The following XYLT1 variants were observed in gnomAD, a reference collection of about 807,000 sequenced individuals.
The protein encoded by XYLT1 is xylosyltransferase 1.
Under a neutral mutation model 91.3 loss-of-function variants are expected in XYLT1, and 36 were observed. The observed-to-expected ratio is 0.39, with a 90% confidence interval of 0.30 to 0.52. XYLT1 has a LOEUF of 0.52. Among genes scored for constraint, XYLT1 ranks in the 20% least tolerant of loss-of-function variants. The pLI is 0.68. For missense variants in XYLT1, 1,242 were observed against 1,284.5 expected, an observed-to-expected ratio of 0.97 and a Z score of 0.51; for synonymous variants, 588 against 532.0, an observed-to-expected ratio of 1.11 and a Z score of -1.45.
chr16:17,332,872 C>T (rs186358628), intron 2 of XYLT1, among the ~76,000 whole-genome samples: 8 of 152,200 alleles, frequency 5.3e-5, no homozygotes, highest in Admixed American at 4.6e-4. Flanking sequence ...CCGAATTCTG[C>T]AACCTCCGCC....
chr16:17,323,095 G>A (rs1243275080), intron 2 of XYLT1, among the ~76,000 whole-genome samples: 1 of 152,208 alleles, frequency 6.6e-6, no homozygotes, highest in African/African-American at 2.4e-5. Flanking sequence ...CAGGCAAGCT[G>A]GCCATGGAGG....
At chr16:17,198,565 G>A in intron 4 of XYLT1, 151 bp from the exon 5 acceptor site, 2 of 682,046 alleles carry the variant, frequency 2.9e-6, no homozygotes. Context: ...CTGGACTGGA[G>A]TGTCTTTCTG....
chr16:17,292,657 T>C (rs907623955), intron 2 of XYLT1, among the ~76,000 whole-genome samples: 14 of 152,240 alleles, frequency 9.2e-5, no homozygotes, highest in African/African-American at 3.4e-4. Flanking sequence ...TAGGAGACGA[T>C]GCCACCAGAA....
At chr16:17,109,153 G>T in intron 11 of XYLT1, 136 bp from the exon 12 acceptor site, 1 of 970,890 alleles carries the variant, frequency 1.0e-6, no homozygotes, top group Non-Finnish European at 1.4e-6. Context: ...TCATGAGGAA[G>T]TTCTTTTAGC....
chr16:17,160,794 G>A (rs2031530509), intron 5 of XYLT1, among the ~76,000 whole-genome samples: 1 of 152,150 alleles, frequency 6.6e-6, no homozygotes, highest in Non-Finnish European at 1.5e-5. Flanking sequence ...GTAGTTTGTG[G>A]GGACAGAGCC....
intron 2 of XYLT1, among the ~76,000 whole-genome samples, chr16:17,323,710 A>T (rs2034759598): frequency 6.6e-6 from 1 of 152,138 alleles, no homozygotes; most frequent in African/African-American, 2.4e-5. Context: ...GTTCACTGGC[A>T]ACAGGACATC....
intron 1 of XYLT1, among the ~76,000 whole-genome samples, chr16:17,438,914 G>A (rs1214719623): frequency 6.6e-6 from 1 of 152,080 alleles, no homozygotes; most frequent in Admixed American, 6.6e-5. Flanking sequence ...TGGGGACACA[G>A]AGCCAAACCA....
chr16:17,456,332 CT>C (rs869026409), intron 1 of XYLT1, among the ~76,000 whole-genome samples: 3,214 of 114,032 alleles, frequency 0.028, 48 homozygotes, highest in African/African-American at 0.099. Flanking sequence ...CAGTACAAAC[CT>C]TTTTTTTTTT....
At chr16:17,162,905 C>A (rs145212707) in intron 5 of XYLT1, among the ~76,000 whole-genome samples, 1 of 152,316 alleles carries the variant, frequency 6.6e-6, no homozygotes, top group African/African-American at 2.4e-5. Context: ...AGAACCCGGA[C>A]TATGAATGAA....
chr16:17,374,187 G>A (rs1251059831), intron 1 of XYLT1, among the ~76,000 whole-genome samples: 1 of 152,176 alleles, frequency 6.6e-6, no homozygotes, highest in East Asian at 1.9e-4. Flanking sequence ...GTGGTGGGAA[G>A]GCACTCATAA....
chr16:17,134,626 G>C lies in XYLT1; in HGVS notation c.1874C>G (p.Pro625Arg), dbSNP rs373313539. The change falls in exon 9 of 12, where the codon CCG becomes CGG. Residue 625 changes from proline (P) to arginine (R), a missense_variant. This residue lies in a region of XYLT1 where 511 missense variants were observed against 497.0 expected (regional missense o/e 1.03). Coordinates refer to ENST00000261381, the MANE Select transcript of XYLT1 (RefSeq NM_022166.4). ...YLYGNYPAGT[P>R]GLRSYWENVY... ...ATTCTCCCAGTAGGAGCGCAGGCCC[G>C]GGGTACCTGCAGGGTAGTTCCCGTA... 4 of 1,614,086 alleles carry C rather than the reference G, an allele frequency of 2.5e-6. No individual in the cohort carries two copies. Among genetic ancestry groups the C allele is most frequent in the South Asian group, 2.2e-5 (2 of 91,088 alleles).
At chr16:17,354,457 GGA>G (rs2035265560) in intron 2 of XYLT1, among the ~76,000 whole-genome samples, 2 of 152,194 alleles carry the variant, frequency 1.3e-5, no homozygotes. Context: ...TTCACACGAG[GGA>G]GAGAGGGATG....
rs191416995 is a variant in XYLT1, at chr16:17,179,840, T to C, written c.1289+18372A>G. ...CTGAACATGTTCCTATTCCCTTCTATGTGTTAATATAGATAAACATGGACA... is the reference window on the plus strand; with the variant it reads ...CTGAACATGTTCCTATTCCCTTCTACGTGTTAATATAGATAAACATGGACA... On this transcript the variant is annotated intron_variant, in intron 5 of 11. Transcript: ENST00000261381. 1.6e-3 allele frequency among the ~76,000 whole-genome samples: 244 copies of C among 152,356 alleles called. 2 individuals are homozygous for C. Among genetic ancestry groups the C allele is most frequent in the African/African-American group, 5.0e-3 (209 of 41,590 alleles).
intron 1 of XYLT1, among the ~76,000 whole-genome samples, chr16:17,372,675 T>A (rs1005115543): frequency 6.6e-6 from 1 of 152,240 alleles, no homozygotes; most frequent in Non-Finnish European, 1.5e-5. Context: ...GACTTCAGCA[T>A]AGAATAGTGG....
chr16:17,257,009 A>C (rs2033643295), intron 3 of XYLT1, among the ~76,000 whole-genome samples: 1 of 152,196 alleles, frequency 6.6e-6, no homozygotes, highest in Admixed American at 6.5e-5. Flanking sequence ...ACCCCATCGG[A>C]GCCCCCAGAG....
intron 1 of XYLT1, chr16:17,403,537 G>A (rs541348154): frequency 1.3e-5 from 2 of 152,380 alleles, no homozygotes; most frequent in African/African-American, 4.8e-5. Flanking sequence ...GAGAGAGCTT[G>A]TGTAGGGAAA....
At chr16:17,466,108 GT>G (rs559620292) in intron 1 of XYLT1, among the ~76,000 whole-genome samples, 2 of 152,094 alleles carry the variant, frequency 1.3e-5, no homozygotes, top group African/African-American at 4.8e-5. Flanking sequence ...GATCGAGTTT[GT>G]TTTTTAGTTA....
intron 7 of XYLT1, chr16:17,138,750 C>T: frequency 1.9e-6 from 1 of 520,570 alleles, no homozygotes; most frequent in Non-Finnish European, 3.4e-6. Flanking sequence ...TCAGATTTTC[C>T]TTCATAGCAA....
chr16:17,253,258 T>A (rs531601294), intron 3 of XYLT1, among the ~76,000 whole-genome samples: 27 of 152,332 alleles, frequency 1.8e-4, no homozygotes, highest in African/African-American at 6.5e-4. Flanking sequence ...GTAAATTTAT[T>A]GCAAATGGGG....
Sources: gnomAD v4.1 joint callset for allele counts (sites outside exome capture counted in the v4.1 genomes callset) on GRCh38, gnomAD v4.1.1 for gene constraint, gnomAD v4.1.1 regional missense constraint, MANE v1.5 for transcripts, NCBI Gene and HGNC (gene_info 2026-07-23, HGNC 2026-07-21) for gene names.